The following PDE5A variants were observed in gnomAD, a reference collection of about 807,000 sequenced individuals.
PDE5A encodes the protein cGMP-specific 3',5'-cyclic phosphodiesterase.
Under a neutral mutation model 110.2 loss-of-function variants are expected in PDE5A, and 67 were observed. The ratio of observed to expected loss-of-function variants is 0.61; its 90% confidence interval spans 0.50 to 0.75. PDE5A has a LOEUF of 0.75. Among genes scored for constraint, PDE5A ranks in the 30% least tolerant of loss-of-function variants. PDE5A has a pLI of 0.00. For synonymous variants in PDE5A, 328 were observed against 351.2 expected, an observed-to-expected ratio of 0.93 and a Z score of 0.74; for missense variants, 862 against 1,045.1, an observed-to-expected ratio of 0.82 and a Z score of 2.42.
intron 1 of PDE5A, among the ~76,000 whole-genome samples, chr4:119,618,413 A>G (rs559683322): frequency 1.4e-4 from 22 of 152,240 alleles, no homozygotes; most frequent in Middle Eastern, 3.4e-3. Flanking sequence ...ACTTCTCTAC[A>G]GAGGTATTTC....
chr4:119,622,927 A>G (rs2110567433), intron 1 of PDE5A, among the ~76,000 whole-genome samples: 1 of 151,966 alleles, frequency 6.6e-6, no homozygotes, highest in African/African-American at 2.4e-5. Context: ...TTTTATCAAA[A>G]TGATTCTTAT....
At chr4:119,613,151 G>T (rs958372079) in intron 1 of PDE5A, among the ~76,000 whole-genome samples, 55 of 152,284 alleles carry the variant, frequency 3.6e-4, no homozygotes, top group African/African-American at 1.3e-3. Context: ...ATGAACTGAA[G>T]ATAATTGTTT....
At chr4:119,618,603 T>G (rs562333398) in intron 1 of PDE5A, among the ~76,000 whole-genome samples, 1 of 152,254 alleles carries the variant, frequency 6.6e-6, no homozygotes, top group East Asian at 1.9e-4. Flanking sequence ...ATTTGTTTTT[T>G]TCAGTACTAC....
intron 20 of PDE5A, chr4:119,500,296 G>GTATC (rs1440368107): frequency 1.4e-5 from 2 of 147,810 alleles, no homozygotes; most frequent in South Asian, 2.1e-4. Flanking sequence ...GGTTCTTTTG[G>GTATC]TATCTCTCCT....
At chr4:119,506,555 G>A (rs1036755778) in intron 16 of PDE5A, among the ~76,000 whole-genome samples, 7 of 151,744 alleles carry the variant, frequency 4.6e-5, no homozygotes, top group Admixed American at 6.6e-5. Flanking sequence ...AAAAACTTAC[G>A]TAATAAAACT....
chr4:119,562,724 T>G, intron 6 of PDE5A, 109 bp downstream of exon 6: 2 of 814,392 alleles, frequency 2.5e-6, no homozygotes, highest in Non-Finnish European at 3.7e-6. Flanking sequence ...TTCATACACA[T>G]TTGGGTTTGA....
chr4:119,575,614 T>C, intron 3 of PDE5A, among the ~76,000 whole-genome samples: 1 of 151,966 alleles, frequency 6.6e-6, no homozygotes, highest in East Asian at 1.9e-4. Context: ...AGAAATAAAA[T>C]CCTTTACAGA....
chr4:119,574,763 A>G (rs2110515421), intron 3 of PDE5A, among the ~76,000 whole-genome samples: 1 of 152,320 alleles, frequency 6.6e-6, no homozygotes, highest in East Asian at 1.9e-4. Flanking sequence ...AATCCTATGT[A>G]TCAAGGAAAA....
At chr4:119,605,601 C>T (rs537857808) in intron 2 of PDE5A, among the ~76,000 whole-genome samples, 52 of 151,946 alleles carry the variant, frequency 3.4e-4, no homozygotes, top group African/African-American at 1.2e-3. Flanking sequence ...GAGTCGAGAT[C>T]GCGTTACTGC....
At chr4:119,572,549 G>A (rs1389425391) in intron 3 of PDE5A, among the ~76,000 whole-genome samples, 2 of 152,184 alleles carry the variant, frequency 1.3e-5, no homozygotes, top group Non-Finnish European at 2.9e-5. Context: ...GACACTGGAA[G>A]AGAGAAGAAA....
intron 7 of PDE5A, among the ~76,000 whole-genome samples, chr4:119,557,728 G>A (rs935027946): frequency 3.3e-5 from 5 of 152,136 alleles, no homozygotes; most frequent in Non-Finnish European, 7.3e-5. Context: ...GGCTTTGAGA[G>A]ATTAAATAAT....
chr4:119,522,290 G>A (rs1198679210), intron 12 of PDE5A, among the ~76,000 whole-genome samples: 3 of 152,008 alleles, frequency 2.0e-5, no homozygotes, highest in African/African-American at 7.2e-5. Context: ...AAGATTGAAT[G>A]TGTTCACCCC....
At chr4:119,579,926 G>A (rs939273591) in intron 3 of PDE5A, among the ~76,000 whole-genome samples, 2 of 152,180 alleles carry the variant, frequency 1.3e-5, no homozygotes, top group African/African-American at 4.8e-5. Context: ...CTGAAGGTAT[G>A]TGAAAGTGGA....
chr4:119,568,922 A>G (rs944939716), intron 3 of PDE5A, among the ~76,000 whole-genome samples: 1 of 152,214 alleles, frequency 6.6e-6, no homozygotes, highest in Non-Finnish European at 1.5e-5. Flanking sequence ...AAATATAAGA[A>G]GACAAAAAAT....
intron 11 of PDE5A, among the ~76,000 whole-genome samples, chr4:119,533,584 T>G (rs1726619028): frequency 6.6e-6 from 1 of 152,140 alleles, no homozygotes; most frequent in Non-Finnish European, 1.5e-5. Flanking sequence ...AAGAAATGAA[T>G]CAGGCACAGT....
intron 1 of PDE5A, among the ~76,000 whole-genome samples, chr4:119,621,680 A>G (rs1730150073): frequency 6.6e-6 from 1 of 152,206 alleles, no homozygotes; most frequent in South Asian, 2.1e-4. Flanking sequence ...ATAGACACAG[A>G]GACAGACAGA....
At chr4:119,567,052 G>A in intron 4 of PDE5A, 21 bp downstream of exon 4, 3 of 1,574,584 alleles carry the variant, frequency 1.9e-6, no homozygotes, top group South Asian at 2.2e-5. Context: ...ATTGGCTCAT[G>A]TCTGACACAA....
chr4:119,506,636 T>A (rs969876486), intron 16 of PDE5A, among the ~76,000 whole-genome samples: 1 of 151,914 alleles, frequency 6.6e-6, no homozygotes, highest in Non-Finnish European at 1.5e-5. Context: ...ATGTGGCCTG[T>A]AAAGCTTAGA....
intron 3 of PDE5A, among the ~76,000 whole-genome samples, chr4:119,593,696 T>C (rs552120978): frequency 1.1e-4 from 16 of 152,306 alleles, no homozygotes; most frequent in African/African-American, 3.6e-4. Context: ...CTCAAATTCA[T>C]CAAATTGTAC....
Sources: allele counts gnomAD v4.1 joint callset (sites outside exome capture counted in the v4.1 genomes callset), GRCh38; gene constraint gnomAD v4.1.1; transcripts MANE v1.5; gene names NCBI Gene and HGNC (gene_info 2026-07-23, HGNC 2026-07-21).